Variants in GSE1 observed in about 807,000 individuals in gnomAD.
The protein encoded by GSE1 is Gse1 coiled-coil protein.
In GSE1, 32 loss-of-function variants were observed where a neutral mutation model predicts 112.6. The observed-to-expected ratio is 0.28, with a 90% CI of 0.21 to 0.38. The LOEUF is 0.38. Among genes scored for constraint, GSE1 ranks in the 10% least tolerant of loss-of-function variants. The pLI is 1.00. For missense variants in GSE1, 2,348 were observed against 1,699.2 expected (o/e 1.38, Z -6.71); for synonymous variants, 1,115 against 735.6 (o/e 1.52, Z -8.35).
chr16:85,574,913 C>T (rs533353966), intron 1 of GSE1, among the ~76,000 whole-genome samples: 27 of 152,314 alleles, frequency 1.8e-4, no homozygotes, highest in African/African-American at 6.5e-4. Context: ...GGATTTAACC[C>T]TGAGCGTCCC....
intron 1 of GSE1, among the ~76,000 whole-genome samples, chr16:85,580,417 G>A (rs886964086): frequency 6.6e-6 from 1 of 152,146 alleles, no homozygotes; most frequent in African/African-American, 2.4e-5. Flanking sequence ...TCCGAACCCC[G>A]CCAAGGAGGG....
rs148723485 is a variant in GSE1 at position 85,301,247 on chromosome 16, G to A, written c.2284-56216G>A. 3.2e-3 allele frequency among the ~76,000 whole-genome samples: 481 copies of A among 152,332 alleles called. 6 individuals are homozygous for A. The highest frequency in any genetic ancestry group is 0.011 in the African/African-American group (457 of 41,584). On this transcript the variant is annotated intron_variant, in intron 1 of 2. Coordinates refer to the GSE1 transcript ENST00000637419. The stretch of plus-strand genomic sequence containing the variant: ...GTGTTCCATTTTATGAGCCTTTTGG[G>A]CCCAGGAAAGTGGTGCCCTTGGTGA...
chr16:85,170,060 C>G (rs1345706291), exon 1 of GSE1: 10 of 984,804 alleles, frequency 1.0e-5, no homozygotes, highest in Non-Finnish European at 1.2e-5. Context: ...CTGTCGGACA[C>G]CGACCCCCTT....
intron 2 of GSE1, among the ~76,000 whole-genome samples, chr16:85,492,894 A>G (rs867715169): frequency 1.3e-5 from 2 of 152,224 alleles, no homozygotes; most frequent in African/African-American, 4.8e-5. Context: ...GAGCAGGGAC[A>G]GAGGTAGACA....
At chr16:85,649,070 C>G (rs2051119229) in intron 3 of GSE1, among the ~76,000 whole-genome samples, 1 of 152,156 alleles carries the variant, frequency 6.6e-6, no homozygotes, top group Non-Finnish European at 1.5e-5. Context: ...CCCCAGAGGC[C>G]TCTCCTGGGT....
intron 2 of GSE1, among the ~76,000 whole-genome samples, chr16:85,393,591 C>T (rs1004015447): frequency 6.6e-6 from 1 of 152,246 alleles, no homozygotes; most frequent in Non-Finnish European, 1.5e-5. Flanking sequence ...GAGACTACTA[C>T]TGAGTCCCAA....
intron 1 of GSE1, among the ~76,000 whole-genome samples, chr16:85,590,840 C>T (rs951576305): frequency 2.0e-5 from 3 of 152,208 alleles, no homozygotes. Flanking sequence ...TGGGACCCCT[C>T]TTTTCCGTCC....
At chr16:85,457,057 C>G (rs542704127) in intron 2 of GSE1, among the ~76,000 whole-genome samples, 3 of 152,184 alleles carry the variant, frequency 2.0e-5, no homozygotes, top group East Asian at 3.9e-4. Flanking sequence ...CAGTAGGCAT[C>G]CTGAGATCAC....
intron 1 of GSE1, among the ~76,000 whole-genome samples, chr16:85,236,003 T>A (rs1345564788): frequency 1.3e-5 from 2 of 150,046 alleles, no homozygotes; most frequent in Admixed American, 1.3e-4. Flanking sequence ...GGCCTGGGGC[T>A]GAGGCTGGGC....
chr16:85,333,926 A>G (rs2046428106), intron 1 of GSE1, among the ~76,000 whole-genome samples: 1 of 152,180 alleles, frequency 6.6e-6, no homozygotes, highest in Admixed American at 6.5e-5. Context: ...TGTCCCGTGC[A>G]TGGCAGGATG....
chr16:85,535,198 G>A (rs34641959), intron 2 of GSE1, among the ~76,000 whole-genome samples: 11,530 of 152,274 alleles, frequency 0.076, 909 homozygotes, highest in African/African-American at 0.2. Context: ...GGCTTGCCCT[G>A]TGTGCTCCCG....
At chr16:85,287,370 T>C (rs1349479158) in intron 1 of GSE1, among the ~76,000 whole-genome samples, 1 of 152,092 alleles carries the variant, frequency 6.6e-6, no homozygotes, top group Non-Finnish European at 1.5e-5. Flanking sequence ...TTGTGGGACC[T>C]CATGGGAGAC....
intron 1 of GSE1, among the ~76,000 whole-genome samples, chr16:85,563,215 C>T (rs1419827505): frequency 1.4e-5 from 2 of 147,818 alleles, no homozygotes; most frequent in East Asian, 1.9e-4. Context: ...CTTTTAAGAG[C>T]GCCATATAGA....
chr16:85,407,779 T>C (rs2048342464), intron 2 of GSE1, among the ~76,000 whole-genome samples: 1 of 5,190 alleles, frequency 1.9e-4, no homozygotes, highest in African/African-American at 3.6e-4. Context: ...CCCTGCATAA[T>C]CCTCACTGTT....
At chr16:85,404,135 C>CCGGA (rs2048190310) in intron 2 of GSE1, among the ~76,000 whole-genome samples, 1 of 113,472 alleles carries the variant, frequency 8.8e-6, no homozygotes, top group Non-Finnish European at 1.9e-5. Context: ...CAGGGCCCCC[C>CCGGA]TGGATAATCC....
intron 1 of GSE1, among the ~76,000 whole-genome samples, chr16:85,586,138 C>G (rs1186975891): frequency 6.6e-6 from 1 of 152,218 alleles, no homozygotes; most frequent in African/African-American, 2.4e-5. Flanking sequence ...GCATCTGTCT[C>G]TGTGTCCAGA....
At chr16:85,183,115 A>AC (rs1360659451) in intron 1 of GSE1, among the ~76,000 whole-genome samples, 1 of 152,002 alleles carries the variant, frequency 6.6e-6, no homozygotes, top group East Asian at 1.9e-4. Flanking sequence ...GCACACCTGT[A>AC]CCCTCACCCC....
intron 1 of GSE1, among the ~76,000 whole-genome samples, chr16:85,209,677 G>A (rs1179540821): frequency 6.6e-6 from 1 of 152,226 alleles, no homozygotes; most frequent in Non-Finnish European, 1.5e-5. Context: ...TGCAACCCTA[G>A]ATCGAGGTGC....
At chr16:85,583,955 G>A (rs1192789570) in intron 1 of GSE1, among the ~76,000 whole-genome samples, 1 of 152,206 alleles carries the variant, frequency 6.6e-6, no homozygotes, top group Non-Finnish European at 1.5e-5. Flanking sequence ...CAAAGCCAGC[G>A]TTCATCACTA....
Sources: gnomAD v4.1 joint callset for allele counts (sites outside exome capture counted in the v4.1 genomes callset) on GRCh38, gnomAD v4.1.1 for gene constraint, MANE v1.5 for transcripts, NCBI Gene and HGNC (gene_info 2026-07-23, HGNC 2026-07-21) for gene names.